PASK: variants seen among roughly 807,000 people sequenced by gnomAD.
PASK encodes the protein PAS domain-containing serine/threonine-protein kinase.
Under a neutral mutation model 121.0 loss-of-function variants are expected in PASK, and 110 were observed. The observed-to-expected ratio is 0.91, with a 90% CI of 0.78 to 1.06. The LOEUF (loss-of-function observed/expected upper bound fraction) is 1.06, where lower values mean the gene tolerates loss of function less well. Ranked by LOEUF, PASK falls within the 50% of genes least tolerant of loss-of-function variation. The pLI is 0.00. For synonymous variants in PASK, 686 were observed against 717.8 expected, an observed-to-expected ratio of 0.96 and a Z score of 0.71; for missense variants, 1,643 against 1,702.3, an observed-to-expected ratio of 0.97 and a Z score of 0.61.
upstream of PASK, chr2:241,150,000 C>T (rs1228601870): frequency 1.4e-6 from 2 of 1,408,906 alleles, no homozygotes; most frequent in African/African-American, 1.5e-5. Context: ...TGTTGTTGCT[C>T]TTGCCGTTCG....
At chr2:241,119,715 C>A (rs2065524970) in intron 12 of PASK, among the ~76,000 whole-genome samples, 2 of 152,184 alleles carry the variant, frequency 1.3e-5, no homozygotes, top group African/African-American at 4.8e-5. Flanking sequence ...CGTGATCCAC[C>A]TGCCTTGGCC....
chr2:241,136,162 G>A, intron 7 of PASK, 123 bp from the exon 8 acceptor site: 1 of 884,558 alleles, frequency 1.1e-6, no homozygotes, highest in Non-Finnish European at 1.9e-6. Flanking sequence ...CTTAAGGTCA[G>A]GAAAGGCCTC....
chr2:241,122,292 G>A (rs2065647055), intron 12 of PASK, among the ~76,000 whole-genome samples: 1 of 152,108 alleles, frequency 6.6e-6, no homozygotes, highest in South Asian at 2.1e-4. Context: ...ATTGAAAATA[G>A]ATTATAAATA....
intron 10 of PASK, among the ~76,000 whole-genome samples, chr2:241,125,623 AAAG>A (rs1249638529): frequency 2.6e-5 from 4 of 151,872 alleles, no homozygotes; most frequent in Non-Finnish European, 4.4e-5. Flanking sequence ...AAAAAAAAAA[AAAG>A]AAATGAAAAT....
At chr2:241,136,262 C>T (rs1388937989) in intron 7 of PASK, among the ~76,000 whole-genome samples, 2 of 152,260 alleles carry the variant, frequency 1.3e-5, no homozygotes, top group Admixed American at 6.5e-5. Context: ...TAAAAACATA[C>T]TCTGCGGCAA....
At chr2:241,115,677 CACCAGG>C in intron 12 of PASK, among the ~76,000 whole-genome samples, 2 of 147,902 alleles carry the variant, frequency 1.4e-5, no homozygotes, top group Middle Eastern at 3.6e-3. Flanking sequence ...CATCCCATTA[CACCAGG>C]GCCACCCAGT....
intron 8 of PASK, among the ~76,000 whole-genome samples, chr2:241,135,579 AGTTAGCTGTGTCTCG>A (rs374453148): frequency 1.4e-4 from 22 of 152,246 alleles, no homozygotes; most frequent in African/African-American, 5.1e-4. Flanking sequence ...CAAGACGGTC[AGTTAGCTGTGTCTCG>A]GATGCTGTGT....
At chr2:241,135,403 G>A (rs377396146) in intron 8 of PASK, among the ~76,000 whole-genome samples, 8 of 152,070 alleles carry the variant, frequency 5.3e-5, no homozygotes, top group East Asian at 3.9e-4. Flanking sequence ...CTCCATATAC[G>A]CCAACTTCAC....
intron 17 of PASK, 152 bp downstream of exon 17, chr2:241,107,201 G>C: frequency 1.3e-6 from 1 of 769,486 alleles, no homozygotes. Flanking sequence ...CCTCTCACAG[G>C]TGACAGGTCA....
Position 241,139,603 on chromosome 2 carries a change from T to C in PASK, c.600+282A>G, listed in dbSNP as rs376389052. ...CAGGACTGCAAAACATTAGTGAAGC[T>C]ACAGCCCTCAGACAAAGCAAGGGCC... On this transcript the variant is annotated intron_variant, in intron 4 of 17. Coordinates refer to ENST00000234040, the MANE Select transcript of PASK (RefSeq NM_015148.4). The C allele has an allele frequency of 1.4e-4, 92 of 661,476 alleles. No homozygotes were observed. The African/African-American group carries it at 1.5e-3, about 10-fold the overall frequency. The allele number at this position is 661,476 out of a possible 1,614,324, so 41.0% of individuals were successfully genotyped here. A position where few individuals can be genotyped will look rare whatever the true frequency, so the allele number is the denominator to read the frequency against.
intron 9 of PASK, among the ~76,000 whole-genome samples, chr2:241,132,526 C>CT (rs1252012522): frequency 1.9e-3 from 79 of 41,690 alleles, no homozygotes; most frequent in African/African-American, 0.011. Context: ...GAGACTCTGT[C>CT]TAAAAAAAAA....
rs1391017252 is a variant in PASK, at chr2:241,112,980, G to C, written c.3334-541C>G. Among the ~76,000 whole-genome samples the C allele has an allele frequency of 6.6e-6, 1 of 152,228 alleles. No individual in the cohort carries two copies. Among genetic ancestry groups the C allele is most frequent in the Non-Finnish European group, 1.5e-5 (1 of 68,040 alleles). Reference sequence around the variant, plus strand: ...GTGGCTTCTCAGAGAGCAGCATGACGTATCAGCCATCCTTTCCCCAAATGT... The same window carrying C: ...GTGGCTTCTCAGAGAGCAGCATGACCTATCAGCCATCCTTTCCCCAAATGT... On this transcript the variant is annotated intron_variant, in intron 14 of 17. Coordinates refer to ENST00000234040, the MANE Select transcript of PASK (RefSeq NM_015148.4). This position sits in a 1 kb window ranked among gnomAD's most constrained non-coding sequence, Gnocchi z 5.2.
rs7558166 is a variant in PASK at position 241,136,638 on chromosome 2, T to C, written c.1137+366A>G. On this transcript the variant is annotated intron_variant, in intron 7 of 17. Coordinates refer to ENST00000234040, the MANE Select transcript of PASK (RefSeq NM_015148.4). ...TCCAGGAAGAACACTAACTGCTTTTTAACTAACTTAAATTTAACGTAACTA... is the reference window on the plus strand; with the variant it reads ...TCCAGGAAGAACACTAACTGCTTTTCAACTAACTTAAATTTAACGTAACTA... Among the ~76,000 whole-genome samples the C allele has an allele frequency of 3.3e-3, 492 of 150,850 alleles. 4 individuals carry two copies. The highest frequency in any genetic ancestry group is 0.011 in the African/African-American group (445 of 41,480).
intron 9 of PASK, among the ~76,000 whole-genome samples, chr2:241,128,082 A>G (rs2065960733): frequency 6.6e-6 from 1 of 152,184 alleles, no homozygotes. Context: ...GAGGTTCGAG[A>G]CCAGACTGGC....
chr2:241,125,782 C>T (rs771516766), intron 10 of PASK, among the ~76,000 whole-genome samples: 8 of 152,160 alleles, frequency 5.3e-5, no homozygotes, highest in African/African-American at 1.2e-4. Flanking sequence ...CATCTCACCA[C>T]GCTCACATCC....
chr2:241,139,896 A>G lies in PASK; in HGVS notation c.589T>C (p.Phe197Leu), dbSNP rs754586924. The change falls in exon 4 of 18, where the codon TTT (phenylalanine) becomes CTT (leucine). Residue 197 changes from phenylalanine (F) to leucine (L), a missense_variant. Phe to Leu is a conservative substitution (Grantham distance 22, BLOSUM62 0). Transcript: ENST00000234040. ...MEADGHAAVVFGTVVDIISRS... is the reference protein window; with the variant it reads ...MEADGHAAVVLGTVVDIISRS... Reference sequence around the variant, plus strand: ...CCGCATCCACTCACCACCGTGCCAAACACCACCGCAGCGTGGCCGTCGGCC... The same window carrying G: ...CCGCATCCACTCACCACCGTGCCAAGCACCACCGCAGCGTGGCCGTCGGCC... The G allele has an allele frequency of 1.9e-5, 31 of 1,613,934 alleles. 1 individual carries two copies. In the South Asian group the frequency reaches 3.2e-4, roughly 17 times the overall value.
chr2:241,122,376 C>T (rs564215298), intron 12 of PASK, among the ~76,000 whole-genome samples: 14 of 152,184 alleles, frequency 9.2e-5, no homozygotes, highest in African/African-American at 3.1e-4. Context: ...GTGCAGTGCC[C>T]GTGAGATATG....
chr2:241,147,821 TG>T (rs1234175965), intron 1 of PASK, among the ~76,000 whole-genome samples: 1 of 152,166 alleles, frequency 6.6e-6, no homozygotes, highest in Non-Finnish European at 1.5e-5. Flanking sequence ...ATTAGGTTAC[TG>T]AGAGTTACAA....
chr2:241,108,985 C>T lies in PASK; in HGVS notation c.3534-685G>A, dbSNP rs967143939. 3 of 154,910 alleles carry T rather than the reference C, an allele frequency of 1.9e-5. No individual in the cohort carries two copies. Among genetic ancestry groups the T allele is most frequent in the Non-Finnish European group, 4.3e-5 (3 of 69,996 alleles). 9.6% of individuals were successfully genotyped at this position (154,910 alleles called of 1,614,324 possible). On this transcript the variant is annotated intron_variant, in intron 15 of 17. Coordinates refer to ENST00000234040, the MANE Select transcript of PASK (RefSeq NM_015148.4). The surrounding 1 kb of genome is among the most constrained non-coding windows in gnomAD (Gnocchi z 5.2). ...CACGCTACCATTTATTTCCTGTCAC[C>T]GTAAACATCCTCATCCACGCTACCA... is the stretch of plus-strand genomic sequence containing the variant.
Sources: gnomAD v4.1 joint callset for allele counts (sites outside exome capture counted in the v4.1 genomes callset) on GRCh38, gnomAD v4.1.1 for gene constraint, Gnocchi (gnomAD v3.1) non-coding constraint, MANE v1.5 for transcripts, NCBI Gene and HGNC (gene_info 2026-07-23, HGNC 2026-07-21) for gene names.